The following ELAVL4 variants were observed in gnomAD, a reference collection of about 807,000 sequenced individuals.
ELAVL4 encodes ELAV like RNA binding protein 4.
In ELAVL4, 1 loss-of-function variant was observed where a neutral mutation model predicts 35.6. The ratio of observed to expected loss-of-function variants is 0.03; its 90% CI spans 0.01 to 0.13. The LOEUF (loss-of-function observed/expected upper bound fraction) is 0.13. ELAVL4 is among the 10% of genes least tolerant of loss of function. The pLI, the probability that ELAVL4 is intolerant of heterozygous loss-of-function variation, is 1.00. For synonymous variants in ELAVL4, 156 were observed against 171.0 expected (o/e 0.91, Z 0.69); for missense variants, 267 against 464.9 (o/e 0.57, Z 3.91).
chr1:50,088,672 C>T (rs986167830), intron 1 of ELAVL4, among the ~76,000 whole-genome samples: 13 of 152,190 alleles, frequency 8.5e-5, no homozygotes, highest in Admixed American at 8.5e-4. Context: ...GCCTGAAGGT[C>T]TTGGCAGAAT....
At position 50,203,307 on chromosome 1, in the gene ELAVL4, A is replaced by T. The variant is rs2148903941; in HGVS notation, c.*2129A>T. ...ACACTGAAAAGGCAAACTTTGTAGT[A>T]GTCGTTGTAGTGGTAGACAGATAAC... On this transcript the variant is annotated 3_prime_UTR_variant, in exon 7 of 7. Transcript: ENST00000371824. 6.6e-6 allele frequency: 1 copy of T among 152,312 alleles called. No individual in the cohort carries two copies. Among genetic ancestry groups the T allele is most frequent in the African/African-American group, 2.4e-5 (1 of 41,576 alleles). 9.4% of individuals were successfully genotyped at this position (152,312 alleles called of 1,614,324 possible).
At chr1:50,157,635 T>C (rs1675991496) in intron 2 of ELAVL4, among the ~76,000 whole-genome samples, 1 of 152,214 alleles carries the variant, frequency 6.6e-6, no homozygotes, top group Non-Finnish European at 1.5e-5. Flanking sequence ...GAATGATTTT[T>C]CCTCCATGCA....
chr1:50,096,954 G>T (rs1399380150), intron 1 of ELAVL4, among the ~76,000 whole-genome samples: 3 of 152,198 alleles, frequency 2.0e-5, no homozygotes, highest in African/African-American at 2.4e-5. Flanking sequence ...AGTGGTGCAT[G>T]CCTGTAATCC....
intron 1 of ELAVL4, among the ~76,000 whole-genome samples, chr1:50,091,340 T>G (rs1340872530): frequency 6.6e-6 from 1 of 152,192 alleles, no homozygotes; most frequent in Non-Finnish European, 1.5e-5. Context: ...GCTGGCATCA[T>G]GGAACAGGAG....
At chr1:50,115,602 C>A (rs1296332963) in intron 1 of ELAVL4, among the ~76,000 whole-genome samples, 1 of 151,832 alleles carries the variant, frequency 6.6e-6, no homozygotes, top group Non-Finnish European at 1.5e-5. Flanking sequence ...TTTTTTCAGG[C>A]TATGGGGAAG....
At chr1:50,131,575 G>A (rs1670859556) in intron 1 of ELAVL4, among the ~76,000 whole-genome samples, 1 of 152,028 alleles carries the variant, frequency 6.6e-6, no homozygotes, top group Non-Finnish European at 1.5e-5. Flanking sequence ...TGATCACAAG[G>A]TCAAGACATT....
Position 50,109,015 on chromosome 1 carries a change from T to TCGGGGGGGGC in ELAVL4, c.-174_-173insGGGGGGGGCC. 1.6e-5 allele frequency: 15 copies of TCGGGGGGGGC among 960,884 alleles called. No homozygotes were observed. Among genetic ancestry groups the TCGGGGGGGGC allele is most frequent in the Non-Finnish European group, 1.7e-5 (14 of 816,778 alleles). 59.5% of individuals were successfully genotyped at this position (960,884 alleles called of 1,614,324 possible). A position where few individuals can be genotyped will look rare whatever the true frequency, so the allele number is the denominator to read the frequency against. ...GCTCCTTTTCTTTTTTTTCTTTCTCTCCCCCGCCCACCCCCCCAAAAATAA... is the reference window on the plus strand; with the variant it reads ...GCTCCTTTTCTTTTTTTTCTTTCTCTCGGGGGGGGCCCCCCGCCCACCCCCCCAAAAATAA... On this transcript the variant is annotated 5_prime_UTR_variant, in exon 1 of 7. Transcript: ENST00000371824.
intron 1 of ELAVL4, among the ~76,000 whole-genome samples, chr1:50,048,662 AG>A (rs1386063095): frequency 6.6e-6 from 1 of 152,116 alleles, no homozygotes; most frequent in Non-Finnish European, 1.5e-5. Context: ...TTGGATCCTC[AG>A]GGGGCCCCTC....
At chr1:50,098,908 G>C (rs905471940) in intron 1 of ELAVL4, among the ~76,000 whole-genome samples, 3 of 152,172 alleles carry the variant, frequency 2.0e-5, no homozygotes, top group Non-Finnish European at 4.4e-5. Flanking sequence ...TATAATAAAT[G>C]TAGAATGTCC....
chr1:50,150,000 G>A (rs1025282427), intron 2 of ELAVL4, among the ~76,000 whole-genome samples: 1 of 152,140 alleles, frequency 6.6e-6, no homozygotes, highest in African/African-American at 2.4e-5. Context: ...GAGCTGTTGG[G>A]GAAAGTTTAA....
At chr1:50,094,348 T>C (rs1488076149) in intron 1 of ELAVL4, among the ~76,000 whole-genome samples, 1 of 152,142 alleles carries the variant, frequency 6.6e-6, no homozygotes, top group Non-Finnish European at 1.5e-5. Flanking sequence ...AGACCATTCA[T>C]TGACAGTTTC....
intron 1 of ELAVL4, among the ~76,000 whole-genome samples, chr1:50,073,532 G>A (rs1340276018): frequency 1.3e-5 from 2 of 151,668 alleles, no homozygotes; most frequent in East Asian, 3.9e-4. Flanking sequence ...ATAAGGATTC[G>A]AGTAAAATGC....
chr1:50,109,788 G>A, intron 1 of ELAVL4: 1 of 829,788 alleles, frequency 1.2e-6, no homozygotes, highest in Non-Finnish European at 2.0e-6. Context: ...ATAAAAAAGA[G>A]GAGGCGGCTT....
At chr1:50,163,880 T>C (rs1176158566) in intron 2 of ELAVL4, among the ~76,000 whole-genome samples, 1 of 152,146 alleles carries the variant, frequency 6.6e-6, no homozygotes, top group Non-Finnish European at 1.5e-5. Flanking sequence ...TCAGGCATAC[T>C]ATGCTAATGT....
intron 1 of ELAVL4, among the ~76,000 whole-genome samples, chr1:50,057,795 CCCA>C (rs1343145875): frequency 6.6e-6 from 1 of 152,072 alleles, no homozygotes; most frequent in Non-Finnish European, 1.5e-5. Flanking sequence ...AGAACGTATC[CCCA>C]TTGTTAAGCA....
At chr1:50,103,761 T>G (rs1666108493), upstream of ELAVL4, 1 of 638,334 alleles carries the variant, frequency 1.6e-6, no homozygotes, top group Non-Finnish European at 2.7e-6. Flanking sequence ...TATGTGTGTG[T>G]GTGGATATGT....
intron 2 of ELAVL4, among the ~76,000 whole-genome samples, chr1:50,149,986 G>T (rs993870160): frequency 1.3e-5 from 2 of 152,210 alleles, no homozygotes; most frequent in African/African-American, 4.8e-5. Context: ...GTTGGTGTTA[G>T]CTGGAGCTGT....
intron 1 of ELAVL4, among the ~76,000 whole-genome samples, chr1:50,075,597 G>A (rs1385975165): frequency 1.3e-5 from 2 of 152,140 alleles, no homozygotes; most frequent in Non-Finnish European, 2.9e-5. Flanking sequence ...TGTGGCAGAG[G>A]CCAGACCACA....
At chr1:50,098,544 T>G (rs1435057101) in intron 1 of ELAVL4, among the ~76,000 whole-genome samples, 1 of 152,178 alleles carries the variant, frequency 6.6e-6, no homozygotes, top group East Asian at 1.9e-4. Flanking sequence ...AAACTTCTGT[T>G]CAAAAACCTT....
Sources: allele counts gnomAD v4.1 joint callset (sites outside exome capture counted in the v4.1 genomes callset), GRCh38; gene constraint gnomAD v4.1.1; transcripts MANE v1.5; gene names NCBI Gene and HGNC (gene_info 2026-07-23, HGNC 2026-07-21).